JRK: variants seen among roughly 807,000 people sequenced by gnomAD.
JRK encodes jerky protein homolog.
For synonymous variants in JRK, 303 were observed against 218.1 expected (o/e 1.39, Z -3.43); for missense variants, 720 against 509.2 (o/e 1.41, Z -3.98).
At chr8:142,652,326 A>G in the JRK span, among the ~76,000 whole-genome samples, 2 of 152,222 alleles carry the variant, frequency 1.3e-5, no homozygotes, top group Non-Finnish European at 2.9e-5. Context: ...GGAGGTCCTG[A>G]CATGTGCCCA....
rs10093010 is a variant in JRK, at chr8:142,659,403, G to A, written c.*4949C>T. ...CCAACGATCCTCGCCTGTGTGGGAC[G>A]GGGCTACCTGCAGACATAGAGGGCC... On this transcript the variant is annotated 3_prime_UTR_variant, in exon 2 of 2. Transcript: ENST00000612905. 2.3e-3 allele frequency: 2,283 copies of A among 987,144 alleles called. 37 individuals are homozygous for A. The African/African-American group carries it at 0.036, about 15-fold the overall frequency. The allele number at this position is 987,144 out of a possible 1,614,324, so 61.1% of individuals were successfully genotyped here.
At position 142,663,768 on chromosome 8, in the gene JRK, C is replaced by A; in HGVS notation, c.*584G>T. On this transcript the variant is annotated 3_prime_UTR_variant, in exon 2 of 2. Coordinates refer to ENST00000612905, the MANE Select transcript of JRK (RefSeq NM_003724.4). ...GTCATTCTGCTGAATGAGGCCACAACTGAAGTGAGATGTGCGGCCTGTTCA... is the reference window on the plus strand; with the variant it reads ...GTCATTCTGCTGAATGAGGCCACAAATGAAGTGAGATGTGCGGCCTGTTCA... 1 of 985,612 alleles carries A rather than the reference C, an allele frequency of 1.0e-6. No individual in the cohort carries two copies. The highest frequency in any genetic ancestry group is 1.2e-6 in the Non-Finnish European group (1 of 830,048). 61.1% of individuals were successfully genotyped at this position (985,612 alleles called of 1,614,324 possible). A position where few individuals can be genotyped will look rare whatever the true frequency, so the allele number is the denominator to read the frequency against.
Position 142,662,836 on chromosome 8 carries a change from G to C in JRK, c.*1516C>G. On this transcript the variant is annotated 3_prime_UTR_variant, in exon 2 of 2. Transcript: ENST00000612905. ...AATTTAAGAGAGGAAAAGAATTCAA[G>C]GGCAAAGCACTGAAAATAACATAGC... is the stretch of plus-strand genomic sequence containing the variant. The C allele has an allele frequency of 1.0e-6, 1 of 985,412 alleles. No individual in the cohort carries two copies. The highest frequency in any genetic ancestry group is 1.2e-6 in the Non-Finnish European group (1 of 829,920). The allele number at this position is 985,412 out of a possible 1,614,324, so 61.0% of individuals were successfully genotyped here.
At position 142,661,200 on chromosome 8, in the gene JRK, C is replaced by T. The variant is rs781968035; in HGVS notation, c.*3152G>A. On this transcript the variant is annotated 3_prime_UTR_variant, in exon 2 of 2. Transcript: ENST00000612905. ...AGGAGACAGACAACTTCCAGGACAG[C>T]GTGCCTGGGGTGCTCGCAGAAGGCC... is the stretch of plus-strand genomic sequence containing the variant. 2.3e-5 allele frequency: 23 copies of T among 985,520 alleles called. No homozygotes were observed. The highest frequency in any genetic ancestry group is 4.7e-5 in the South Asian group (1 of 21,290). The allele number at this position is 985,520 out of a possible 1,614,324, so 61.0% of individuals were successfully genotyped here.
downstream of JRK, among the ~76,000 whole-genome samples, chr8:142,654,820 G>C (rs1846719352): frequency 6.6e-6 from 1 of 151,896 alleles, no homozygotes; most frequent in African/African-American, 2.4e-5. Flanking sequence ...GCCTTGAGCT[G>C]CCCCAGGCCC....
Position 142,662,833 on chromosome 8 carries a change from C to T in JRK, c.*1519G>A, listed in dbSNP as rs1257626353. The T allele has an allele frequency of 3.0e-6, 3 of 985,306 alleles. No homozygotes were observed. The highest frequency in any genetic ancestry group is 3.6e-6 in the Non-Finnish European group (3 of 829,936). 61.0% of individuals were successfully genotyped at this position (985,306 alleles called of 1,614,324 possible). On this transcript the variant is annotated 3_prime_UTR_variant, in exon 2 of 2. Transcript: ENST00000612905. ...ATGAATTTAAGAGAGGAAAAGAATT[C>T]AAGGGCAAAGCACTGAAAATAACAT...
intron 1 of JRK, among the ~76,000 whole-genome samples, chr8:142,667,494 C>T (rs1554636433): frequency 1.3e-5 from 2 of 152,218 alleles, no homozygotes; most frequent in Non-Finnish European, 1.5e-5. Flanking sequence ...CTCACTCACA[C>T]ATACACGCTC....
the JRK span, among the ~76,000 whole-genome samples, chr8:142,646,065 T>C: frequency 2.0e-5 from 3 of 152,236 alleles, no homozygotes; most frequent in African/African-American, 7.2e-5. Flanking sequence ...TAATGAAATA[T>C]CTATTATTTA....
At position 142,664,437 on chromosome 8, in the gene JRK, A is replaced by C. The variant is rs782329244; in HGVS notation, c.1622T>G (p.Val541Gly). The change falls in exon 2 of 2, where the codon GTT (valine) becomes GGT (glycine). Residue 541 changes from valine (V) to glycine (G), a missense_variant. Val to Gly is a moderately radical substitution (Grantham distance 109, BLOSUM62 -3). Coordinates refer to ENST00000612905, the MANE Select transcript of JRK (RefSeq NM_003724.4). The part of the protein sequence containing the change: ...RRGALGAVVK[V>G]EALQEGPGGC... ...ACCAGGGCCCTCCTGGAGGGCTTCA[A>C]CCTTGACCACAGCCCCGAGGGCACC... The C allele has an allele frequency of 4.8e-5, 77 of 1,611,160 alleles. 1 individual carries two copies. In the South Asian group the frequency reaches 8.1e-4, roughly 17 times the overall value.
In JRK at chr8:142,663,395, G is replaced by A; in HGVS notation, c.*957C>T. On this transcript the variant is annotated 3_prime_UTR_variant, in exon 2 of 2. Coordinates refer to ENST00000612905, the MANE Select transcript of JRK (RefSeq NM_003724.4). The stretch of plus-strand genomic sequence containing the variant: ...TATTACTAACGTGCTAACAGCTGGG[G>A]ATAAGAGCACACATACTGCTAGAAA... 3 of 985,458 alleles carry A rather than the reference G, an allele frequency of 3.0e-6. No individual in the cohort carries two copies. The highest frequency in any genetic ancestry group is 1.7e-5 in the African/African-American group (1 of 57,368). The allele number at this position is 985,458 out of a possible 1,614,324, so 61.0% of individuals were successfully genotyped here. A position where few individuals can be genotyped will look rare whatever the true frequency, so the allele number is the denominator to read the frequency against.
chr8:142,658,307 G>C lies in JRK; in HGVS notation c.*6045C>G, dbSNP rs587745634. 1.3e-5 allele frequency: 2 copies of C among 152,164 alleles called. No individual in the cohort carries two copies. Among genetic ancestry groups the C allele is most frequent in the Non-Finnish European group, 2.9e-5 (2 of 68,106 alleles). The allele number at this position is 152,164 out of a possible 1,614,324, so 9.4% of individuals were successfully genotyped here. A position where few individuals can be genotyped will look rare whatever the true frequency, so the allele number is the denominator to read the frequency against. ...TTAATTTTTCACAGATCTGGGGACT[G>C]AAAGTCCAATATCAAAGGCACTGGC... On this transcript the variant is annotated 3_prime_UTR_variant, in exon 2 of 2. Transcript: ENST00000612905.
Position 142,663,144 on chromosome 8 carries a change from C to T in JRK, c.*1208G>A. The T allele has an allele frequency of 2.0e-6, 2 of 984,466 alleles. No individual in the cohort carries two copies. The highest frequency in any genetic ancestry group is 2.4e-6 in the Non-Finnish European group (2 of 829,066). The allele number at this position is 984,466 out of a possible 1,614,324, so 61.0% of individuals were successfully genotyped here. A position where few individuals can be genotyped will look rare whatever the true frequency, so the allele number is the denominator to read the frequency against. On this transcript the variant is annotated 3_prime_UTR_variant, in exon 2 of 2. Coordinates refer to ENST00000612905, the MANE Select transcript of JRK (RefSeq NM_003724.4). ...CTCCAGCCTGGTCAACAGAGTGAGA[C>T]CCTGCCTCAAGAAAAGAAAAGGACA...
chr8:142,667,432 G>GACACAC (rs59385009), intron 1 of JRK, among the ~76,000 whole-genome samples: 2,006 of 146,900 alleles, frequency 0.014, 57 homozygotes, highest in African/African-American at 0.046. Flanking sequence ...CGGACACGGA[G>GACACAC]ACACACACAC....
At chr8:142,648,549 G>C in the JRK span, among the ~76,000 whole-genome samples, 2 of 152,230 alleles carry the variant, frequency 1.3e-5, no homozygotes, top group South Asian at 2.1e-4. Context: ...ACATGGTGTT[G>C]AGCCTGTGAG....
downstream of JRK, among the ~76,000 whole-genome samples, chr8:142,656,193 AC>A (rs1846747856): frequency 6.6e-6 from 1 of 152,168 alleles, no homozygotes; most frequent in Non-Finnish European, 1.5e-5. Context: ...ATCTTAGGTA[AC>A]CTATTGTAGC....
At chr8:142,644,405 T>A in the JRK span, among the ~76,000 whole-genome samples, 1 of 152,166 alleles carries the variant, frequency 6.6e-6, no homozygotes, top group South Asian at 2.1e-4. Context: ...TCCTATGATT[T>A]GGGAACACAT....
Position 142,660,031 on chromosome 8 carries a change from CAT to C in JRK, c.*4319_*4320del. On this transcript the variant is annotated 3_prime_UTR_variant, in exon 2 of 2. Coordinates refer to ENST00000612905, the MANE Select transcript of JRK (RefSeq NM_003724.4). ...GCGTGTGGGGCTGGGAGCTGGGGCT[CAT>C]GTGGGAGGCTGGTGGCTGCCATGGC... 4.1e-6 allele frequency: 4 copies of C among 986,048 alleles called. No homozygotes were observed. The highest frequency in any genetic ancestry group is 4.8e-6 in the Non-Finnish European group (4 of 830,372). 61.1% of individuals were successfully genotyped at this position (986,048 alleles called of 1,614,324 possible).
At chr8:142,645,878 CCTTTT>C in the JRK span, among the ~76,000 whole-genome samples, 1 of 152,096 alleles carries the variant, frequency 6.6e-6, no homozygotes. Flanking sequence ...AAAGTAAAAC[CCTTTT>C]ATTTTTATAA....
the JRK span, among the ~76,000 whole-genome samples, chr8:142,647,279 GA>G: frequency 4.2e-4 from 64 of 151,724 alleles, no homozygotes; most frequent in African/African-American, 1.5e-3. Context: ...TTTTCTTAAT[GA>G]AAAAAAATTT....
Sources: gnomAD v4.1 joint callset for allele counts (sites outside exome capture counted in the v4.1 genomes callset) on GRCh38, gnomAD v4.1.1 for gene constraint, MANE v1.5 for transcripts, NCBI Gene and HGNC (gene_info 2026-07-23, HGNC 2026-07-21) for gene names.